WDTC1: variants seen among roughly 807,000 people sequenced by gnomAD.
The protein encoded by WDTC1 is WD and tetratricopeptide repeats protein 1.
Under a neutral mutation model 76.0 loss-of-function variants are expected in WDTC1, and 12 were observed. The observed-to-expected ratio is 0.16, with a 90% confidence interval of 0.10 to 0.26. The LOEUF (loss-of-function observed/expected upper bound fraction) is 0.26, where lower values mean the gene tolerates loss of function less well. WDTC1 is among the 10% of genes least tolerant of loss of function. WDTC1 has a pLI of 1.00. For missense variants in WDTC1, 511 were observed against 908.8 expected (o/e 0.56, Z 5.63); for synonymous variants, 326 against 350.8 (o/e 0.93, Z 0.79).
chr1:27,280,182 A>T (rs2013148759), intron 3 of WDTC1, among the ~76,000 whole-genome samples: 1 of 152,240 alleles, frequency 6.6e-6, no homozygotes, highest in African/African-American at 2.4e-5. Flanking sequence ...GGCCTGACAC[A>T]TAGTAAGCTA....
chr1:27,262,105 ATTT>A (rs2012495390), intron 2 of WDTC1, among the ~76,000 whole-genome samples: 1 of 151,224 alleles, frequency 6.6e-6, no homozygotes, highest in South Asian at 2.1e-4. Context: ...AATTTTTTGT[ATTT>A]TTAGTAGAGA....
chr1:27,278,822 G>C (rs1363883049), intron 3 of WDTC1, among the ~76,000 whole-genome samples: 1 of 152,188 alleles, frequency 6.6e-6, no homozygotes, highest in Non-Finnish European at 1.5e-5. Context: ...AGTATATCCA[G>C]GCCAGGTATG....
At chr1:27,304,979 C>G in intron 14 of WDTC1, 22 bp from the exon 15 acceptor site, 1 of 1,603,892 alleles carries the variant, frequency 6.2e-7, no homozygotes, top group Non-Finnish European at 8.5e-7. Context: ...CCTGACCTCC[C>G]TGCCCTTTGC....
At chr1:27,297,223 A>G (rs2013718528) in intron 11 of WDTC1, 67 bp downstream of exon 11, 1 of 1,401,306 alleles carries the variant, frequency 7.1e-7, no homozygotes, top group Non-Finnish European at 9.8e-7. Context: ...AGGGAGGGAC[A>G]TAACCTGTAA....
chr1:27,304,930 C>T, intron 14 of WDTC1, 71 bp from the exon 15 acceptor site: 4 of 1,476,042 alleles, frequency 2.7e-6, no homozygotes, highest in Non-Finnish European at 3.6e-6. Flanking sequence ...TTTACCTAGG[C>T]CATGCAGCCT....
Position 27,303,592 on chromosome 1 carries a change from G to T in WDTC1, c.1469-29G>T, listed in dbSNP as rs370178063. 2 of 1,566,614 alleles carry T rather than the reference G, an allele frequency of 1.3e-6. No homozygotes were observed. Among genetic ancestry groups the T allele is most frequent in the Non-Finnish European group, 1.7e-6 (2 of 1,162,646 alleles). On this transcript the variant is annotated intron_variant, in intron 13 of 15. Transcript: ENST00000319394. The surrounding 1 kb of genome is among the most constrained non-coding windows in gnomAD (Gnocchi z 4.8). ...AGGGAAGGAGAGAAAGGAACAAGGC[G>T]CTTACCTTTTCTGGATCTCTGCCCC...
intron 2 of WDTC1, among the ~76,000 whole-genome samples, chr1:27,262,037 C>A (rs2012492667): frequency 6.6e-6 from 1 of 151,646 alleles, no homozygotes; most frequent in African/African-American, 2.4e-5. Flanking sequence ...TCAAGTGATT[C>A]TCTTGCCTCA....
intron 1 of WDTC1, among the ~76,000 whole-genome samples, chr1:27,242,721 G>A (rs370436037): frequency 5.5e-4 from 83 of 152,068 alleles, no homozygotes; most frequent in Middle Eastern, 3.4e-3. Context: ...CACCCACCTC[G>A]GCCTCCCAAA....
chr1:27,278,703 C>A (rs1053480408), intron 3 of WDTC1, among the ~76,000 whole-genome samples: 14 of 152,208 alleles, frequency 9.2e-5, no homozygotes, highest in African/African-American at 3.4e-4. Flanking sequence ...TTCCATATGC[C>A]TGAAATGCTT....
chr1:27,302,410 G>T (rs1305424535), intron 13 of WDTC1, among the ~76,000 whole-genome samples: 1 of 152,106 alleles, frequency 6.6e-6, no homozygotes, highest in African/African-American at 2.4e-5. Flanking sequence ...AAGATCTAAA[G>T]GATCCAAAGG....
chr1:27,279,637 G>A (rs2013135514), intron 3 of WDTC1, among the ~76,000 whole-genome samples: 1 of 152,092 alleles, frequency 6.6e-6, no homozygotes, highest in Non-Finnish European at 1.5e-5. Flanking sequence ...CGTGATCATG[G>A]CTCACTGTAG....
At chr1:27,276,529 C>T (rs1337824377) in intron 3 of WDTC1, among the ~76,000 whole-genome samples, 3 of 151,940 alleles carry the variant, frequency 2.0e-5, no homozygotes, top group Non-Finnish European at 4.4e-5. Context: ...CCCATCTCTA[C>T]TAAAAATACA....
intron 3 of WDTC1, 74 bp from the exon 4 acceptor site, chr1:27,282,165 C>T (rs2147960629): frequency 7.0e-7 from 1 of 1,436,960 alleles, no homozygotes. Flanking sequence ...CTGTTCAGTT[C>T]CACTTCTTGG....
chr1:27,293,498 C>T lies in WDTC1; in HGVS notation c.663-524C>T, dbSNP rs111596885. 3.1e-3 allele frequency among the ~76,000 whole-genome samples: 468 copies of T among 150,222 alleles called. 5 individuals carry two copies. Among genetic ancestry groups the T allele is most frequent in the African/African-American group, 0.011 (451 of 40,956 alleles). The stretch of plus-strand genomic sequence containing the variant: ...TCTTACATAAATTCCTTATGATTTC[C>T]TTATATTTATTTATTCTTATAATTT... On this transcript the variant is annotated intron_variant, in intron 7 of 15. Transcript: ENST00000319394.
rs545201150 is a variant in WDTC1, at chr1:27,301,663, T to C, written c.1468+202T>C. On this transcript the variant is annotated intron_variant, in intron 13 of 15. Transcript: ENST00000319394. The surrounding 1 kb of genome is among the most constrained non-coding windows in gnomAD (Gnocchi z 5.8). ...AAGGAGGCATGCCAGCACCTCCCAC[T>C]GAGCGTTTCTATTGAGGATCAGCAT... Among the ~76,000 whole-genome samples, 3 of 152,260 alleles carry C rather than the reference T, an allele frequency of 2.0e-5. No homozygotes were observed. The East Asian group carries it at 5.8e-4, about 29-fold the overall frequency.
In WDTC1 at chr1:27,303,724, C is replaced by T. The variant is rs765595307; in HGVS notation, c.1572C>T (p.Tyr524=). 1.5e-5 allele frequency: 25 copies of T among 1,613,990 alleles called. No individual in the cohort carries two copies. Among genetic ancestry groups the T allele is most frequent in the Middle Eastern group, 1.6e-4 (1 of 6,084 alleles). ...AAATGGTGCTGCGGGAGCGAAGCTA[C>T]GACTATCAGTTCCGCTACTGCGGCC... The part of the protein sequence containing the change: ...EDEMVLRERS[Y]DYQFRYCGHC... Residue 524 remains tyrosine (Y), a synonymous_variant, in exon 14 of 16, where the codon TAC becomes TAT. Coordinates refer to ENST00000319394, the MANE Select transcript of WDTC1 (RefSeq NM_001276252.2). The surrounding 1 kb of genome is among the most constrained non-coding windows in gnomAD (Gnocchi z 4.8).
At position 27,237,339 on chromosome 1, in the gene WDTC1, G is replaced by A. The variant is rs901082743; in HGVS notation, c.-100+2388G>A. On this transcript the variant is annotated intron_variant, in intron 1 of 15. Coordinates refer to ENST00000319394, the MANE Select transcript of WDTC1 (RefSeq NM_001276252.2). Reference sequence around the variant, plus strand: ...TGCAGTTCTGAGTCTCAGAGAGGAAGTCAAACAGAACATGTAATCTGGTGA... The same window carrying A: ...TGCAGTTCTGAGTCTCAGAGAGGAAATCAAACAGAACATGTAATCTGGTGA... 1.1e-4 allele frequency among the ~76,000 whole-genome samples: 17 copies of A among 152,286 alleles called. 1 individual carries two copies. The highest frequency in any genetic ancestry group is 6.8e-3 in the Middle Eastern group (2 of 294).
intron 3 of WDTC1, among the ~76,000 whole-genome samples, chr1:27,279,808 C>T (rs2013140054): frequency 6.6e-6 from 1 of 152,208 alleles, no homozygotes; most frequent in South Asian, 2.1e-4. Context: ...CTCAAGCAAT[C>T]CTCCTGCCTA....
chr1:27,270,622 G>T, intron 3 of WDTC1, among the ~76,000 whole-genome samples: 1 of 152,176 alleles, frequency 6.6e-6, no homozygotes, highest in Admixed American at 6.5e-5. Flanking sequence ...GAGCCTGGGG[G>T]GACGTGGAGG....
Sources: allele counts gnomAD v4.1 joint callset (sites outside exome capture counted in the v4.1 genomes callset), GRCh38; gene constraint gnomAD v4.1.1; non-coding constraint Gnocchi (gnomAD v3.1); transcripts MANE v1.5; gene names NCBI Gene and HGNC (gene_info 2026-07-23, HGNC 2026-07-21).